CHCHD6: variants seen among roughly 807,000 people sequenced by gnomAD.
CHCHD6 encodes MICOS complex subunit MIC25.
In CHCHD6, 28 loss-of-function variants were observed where a neutral mutation model predicts 32.3. The observed-to-expected ratio is 0.87, with a 90% CI of 0.64 to 1.19. The LOEUF (loss-of-function observed/expected upper bound fraction) is 1.19, where lower values mean the gene tolerates loss of function less well. Among genes scored for constraint, CHCHD6 ranks in the 50% most tolerant of loss-of-function variants. The pLI is 0.00. For synonymous variants in CHCHD6, 122 were observed against 117.5 expected, an observed-to-expected ratio of 1.04 and a Z score of -0.25; for missense variants, 333 against 307.0, an observed-to-expected ratio of 1.08 and a Z score of -0.63.
intron 4 of CHCHD6, among the ~76,000 whole-genome samples, chr3:126,780,182 G>C (rs903838502): frequency 1.3e-5 from 2 of 152,184 alleles, no homozygotes; most frequent in African/African-American, 4.8e-5. Context: ...ACGTAAGCTT[G>C]GGTCTAGCCA....
At chr3:126,747,552 A>C (rs921762574) in intron 4 of CHCHD6, among the ~76,000 whole-genome samples, 11 of 152,210 alleles carry the variant, frequency 7.2e-5, no homozygotes, top group Non-Finnish European at 1.3e-4. Context: ...CATGTTTCTC[A>C]GTCTTCCTAC....
At chr3:126,856,774 T>G (rs1448475) in intron 5 of CHCHD6, among the ~76,000 whole-genome samples, 1 of 152,198 alleles carries the variant, frequency 6.6e-6, no homozygotes, top group East Asian at 1.9e-4. Context: ...CAAGCCCTTG[T>G]CTTCAGTCAA....
At chr3:126,924,236 A>G (rs1471398262) in intron 6 of CHCHD6, among the ~76,000 whole-genome samples, 3 of 152,230 alleles carry the variant, frequency 2.0e-5, no homozygotes, top group Non-Finnish European at 4.4e-5. Context: ...TGGTAGGACC[A>G]TCTCTGTTCT....
chr3:126,849,009 C>T (rs1941382555), intron 4 of CHCHD6, among the ~76,000 whole-genome samples: 1 of 152,232 alleles, frequency 6.6e-6, no homozygotes, highest in Non-Finnish European at 1.5e-5. Flanking sequence ...TGAGGCCTGT[C>T]TCCACAGTGG....
At chr3:126,916,429 A>T (rs1374903164) in intron 6 of CHCHD6, among the ~76,000 whole-genome samples, 1 of 151,360 alleles carries the variant, frequency 6.6e-6, no homozygotes, top group Admixed American at 6.6e-5. Context: ...AAGGCCAATT[A>T]TCCTGAAATT....
chr3:126,778,994 T>C (rs75957956), intron 4 of CHCHD6, among the ~76,000 whole-genome samples: 4,396 of 151,742 alleles, frequency 0.029, 93 homozygotes, highest in Non-Finnish European at 0.039. Context: ...CTTGAACTTC[T>C]GGGCTCAGGC....
intron 4 of CHCHD6, among the ~76,000 whole-genome samples, chr3:126,774,241 C>T (rs1937595563): frequency 6.6e-6 from 1 of 152,064 alleles, no homozygotes; most frequent in South Asian, 2.1e-4. Context: ...ATATAATAAC[C>T]ACCTCAGTCA....
intron 5 of CHCHD6, among the ~76,000 whole-genome samples, chr3:126,887,251 CTT>C (rs879774653): frequency 2.8e-5 from 4 of 145,442 alleles, no homozygotes; most frequent in East Asian, 2.0e-4. Flanking sequence ...TGCTGAGCAT[CTT>C]TTTTTTTTTT....
intron 4 of CHCHD6, among the ~76,000 whole-genome samples, chr3:126,737,273 C>G (rs1307035782): frequency 6.6e-6 from 1 of 151,846 alleles, no homozygotes; most frequent in Non-Finnish European, 1.5e-5. Flanking sequence ...TGAGCTGAAT[C>G]GCGCCATTGC....
rs147276297 is a variant in CHCHD6, at chr3:126,825,886, G to A, written c.412-26761G>A. Among the ~76,000 whole-genome samples the A allele has an allele frequency of 4.1e-3, 630 of 152,202 alleles. 2 individuals are homozygous for A. Among genetic ancestry groups the A allele is most frequent in the African/African-American group, 0.013 (558 of 41,546 alleles). On this transcript the variant is annotated intron_variant, in intron 4 of 7. Coordinates refer to ENST00000290913, the MANE Select transcript of CHCHD6 (RefSeq NM_032343.3). Reference sequence around the variant, plus strand: ...ATTTCCAGAACGATGCAACAAACACGTTTACTCTTTCCACTGCTGTTTATT... The same window carrying A: ...ATTTCCAGAACGATGCAACAAACACATTTACTCTTTCCACTGCTGTTTATT...
intron 6 of CHCHD6, among the ~76,000 whole-genome samples, chr3:126,945,991 G>A (rs532037928): frequency 6.6e-6 from 1 of 152,058 alleles, no homozygotes; most frequent in Non-Finnish European, 1.5e-5. Context: ...ACAGCTCCCT[G>A]CTTTGTTGAG....
chr3:126,815,648 C>G lies in CHCHD6; in HGVS notation c.412-36999C>G, dbSNP rs1029859990. Among the ~76,000 whole-genome samples, 22 of 149,354 alleles carry G rather than the reference C, an allele frequency of 1.5e-4. 1 individual carries two copies. Among genetic ancestry groups the G allele is most frequent in the African/African-American group, 2.9e-4 (12 of 40,746 alleles). On this transcript the variant is annotated intron_variant, in intron 4 of 7. Transcript: ENST00000290913. ...TGTTGCTCCTGTGGGTTCTTGCCCC[C>G]CCCCCCCCATCTGTGTCCACAGCCC... is the stretch of plus-strand genomic sequence containing the variant.
chr3:126,927,619 C>T (rs2078343707), intron 6 of CHCHD6, among the ~76,000 whole-genome samples: 1 of 152,190 alleles, frequency 6.6e-6, no homozygotes, highest in African/African-American at 2.4e-5. Flanking sequence ...TCATTCCCAG[C>T]TCTATTAATG....
At chr3:126,853,978 G>A (rs1247161858) in intron 5 of CHCHD6, among the ~76,000 whole-genome samples, 1 of 152,126 alleles carries the variant, frequency 6.6e-6, no homozygotes, top group Admixed American at 6.5e-5. Context: ...GGTCTCCTTT[G>A]TGCTCCCCAT....
chr3:126,848,108 T>C (rs971578537), intron 4 of CHCHD6, among the ~76,000 whole-genome samples: 6 of 152,208 alleles, frequency 3.9e-5, no homozygotes, highest in African/African-American at 1.2e-4. Context: ...GCCTCTCAAG[T>C]AGCGGGCATG....
At chr3:126,861,817 A>C (rs1576510117) in intron 5 of CHCHD6, among the ~76,000 whole-genome samples, 1 of 72,122 alleles carries the variant, frequency 1.4e-5, no homozygotes, top group Non-Finnish European at 2.7e-5. Context: ...CACCATCACC[A>C]CCTCCCCTTC....
intron 4 of CHCHD6, among the ~76,000 whole-genome samples, chr3:126,736,645 A>T (rs1222681783): frequency 1.3e-5 from 2 of 152,212 alleles, no homozygotes; most frequent in African/African-American, 2.4e-5. Context: ...ACTTCTGATG[A>T]CAGAAGTGTT....
chr3:126,841,836 C>T (rs1054947655), intron 4 of CHCHD6, among the ~76,000 whole-genome samples: 5 of 152,074 alleles, frequency 3.3e-5, no homozygotes, highest in Non-Finnish European at 5.9e-5. Flanking sequence ...ATTGCTTGAG[C>T]CCAGGAAGTT....
At chr3:126,809,837 G>T (rs1011692076) in intron 4 of CHCHD6, among the ~76,000 whole-genome samples, 4 of 152,112 alleles carry the variant, frequency 2.6e-5, no homozygotes, top group Non-Finnish European at 4.4e-5. Context: ...TTTGATGTTT[G>T]TTCTTGCTTC....
Sources: gnomAD v4.1 joint callset for allele counts (sites outside exome capture counted in the v4.1 genomes callset) on GRCh38, gnomAD v4.1.1 for gene constraint, MANE v1.5 for transcripts, NCBI Gene and HGNC (gene_info 2026-07-23, HGNC 2026-07-21) for gene names.